Variants in CFAP299 observed in about 807,000 individuals in gnomAD.
CFAP299 encodes cilia- and flagella-associated protein 299.
A neutral mutation model predicts 27.0 loss-of-function variants in CFAP299; 21 were observed. The ratio of observed to expected loss-of-function variants is 0.78; its 90% confidence interval spans 0.55 to 1.12. CFAP299 has a LOEUF of 1.12. CFAP299 is among the 50% of genes most tolerant of loss of function. CFAP299 has a pLI of 0.00. For missense variants in CFAP299, 310 were observed against 276.6 expected, an observed-to-expected ratio of 1.12 and a Z score of -0.86; for synonymous variants, 104 against 98.1, an observed-to-expected ratio of 1.06 and a Z score of -0.36.
chr4:80,734,008 A>G (rs2110058064), intron 3 of CFAP299, among the ~76,000 whole-genome samples: 1 of 152,120 alleles, frequency 6.6e-6, no homozygotes, highest in East Asian at 1.9e-4. Context: ...AGATTGTATA[A>G]TAGCTCTATT....
At chr4:80,581,384 T>C (rs1199296810) in intron 2 of CFAP299, among the ~76,000 whole-genome samples, 1 of 147,892 alleles carries the variant, frequency 6.8e-6, no homozygotes, top group Non-Finnish European at 1.5e-5. Flanking sequence ...TTGGTACTAA[T>C]TAGTAGTTAT....
rs893433226 is a variant in CFAP299 at position 80,646,424 on chromosome 4, T to C, written c.333+63241T>C. On this transcript the variant is annotated intron_variant, in intron 3 of 5. Transcript: ENST00000358105. ...GCTAGAGACATATTACCCTAATTTCTAATCAGCTAATTACAATGGATCTAC... is the reference window on the plus strand; with the variant it reads ...GCTAGAGACATATTACCCTAATTTCCAATCAGCTAATTACAATGGATCTAC... 2.4e-4 allele frequency among the ~76,000 whole-genome samples: 36 copies of C among 152,186 alleles called. 1 individual carries two copies.
At chr4:80,525,756 C>G (rs573841598) in intron 2 of CFAP299, among the ~76,000 whole-genome samples, 1 of 152,054 alleles carries the variant, frequency 6.6e-6, no homozygotes, top group Non-Finnish European at 1.5e-5. Context: ...CTTTCTTACC[C>G]CTCAACTTCT....
At chr4:80,519,818 TG>T (rs1732812390) in intron 2 of CFAP299, among the ~76,000 whole-genome samples, 1 of 152,092 alleles carries the variant, frequency 6.6e-6, no homozygotes, top group Admixed American at 6.6e-5. Flanking sequence ...CCTTAAACCT[TG>T]GGTACATAAA....
intron 4 of CFAP299, among the ~76,000 whole-genome samples, chr4:80,877,043 G>C (rs532316489): frequency 8.5e-5 from 13 of 152,172 alleles, no homozygotes; most frequent in South Asian, 2.1e-4. Flanking sequence ...CCACAGCTTT[G>C]TGTGTGGAAG....
chr4:80,685,409 G>C (rs1720118100), intron 3 of CFAP299, among the ~76,000 whole-genome samples: 1 of 152,038 alleles, frequency 6.6e-6, no homozygotes, highest in Admixed American at 6.6e-5. Context: ...CTGAAACCTT[G>C]CCAATTGCAC....
intron 3 of CFAP299, among the ~76,000 whole-genome samples, chr4:80,747,808 G>A (rs1724706338): frequency 6.6e-6 from 1 of 151,888 alleles, no homozygotes; most frequent in Admixed American, 6.6e-5. Flanking sequence ...TTTTCTCACT[G>A]TTACTTCCTC....
chr4:80,334,097 C>T (rs566392133), upstream of CFAP299, among the ~76,000 whole-genome samples: 25 of 152,162 alleles, frequency 1.6e-4, no homozygotes, highest in Non-Finnish European at 2.8e-4. Context: ...AGTTAGAAGA[C>T]ATTTCTAGAC....
rs552130935 is a variant in CFAP299 at position 80,387,323 on chromosome 4, C to T, written c.242+24439C>T. On this transcript the variant is annotated intron_variant, in intron 2 of 5. Coordinates refer to ENST00000358105, the MANE Select transcript of CFAP299 (RefSeq NM_152770.3). ...GTCGAGCTTTGGGAACGTTTGGGCA[C>T]AGCTTTTGACCACACATTTGTACAC... 11 of 1,601,210 alleles carry T rather than the reference C, an allele frequency of 6.9e-6. No homozygotes were observed. The African/African-American group carries it at 1.5e-4, about 21-fold the overall frequency.
chr4:80,600,687 T>TG (rs1553938403), intron 3 of CFAP299, among the ~76,000 whole-genome samples: 1 of 152,050 alleles, frequency 6.6e-6, no homozygotes, highest in African/African-American at 2.4e-5. Flanking sequence ...AGGTCAGTTT[T>TG]TTGTTGTTGT....
intron 2 of CFAP299, among the ~76,000 whole-genome samples, chr4:80,479,263 A>T (rs1730437178): frequency 6.6e-6 from 1 of 152,022 alleles, no homozygotes; most frequent in African/African-American, 2.4e-5. Context: ...AGACATAGGG[A>T]CTTAAAATGT....
chr4:80,669,568 G>C (rs931002620), intron 3 of CFAP299, among the ~76,000 whole-genome samples: 2 of 148,350 alleles, frequency 1.3e-5, no homozygotes, highest in African/African-American at 5.0e-5. Flanking sequence ...AGTTCTAACA[G>C]TTTTTCTTTT....
chr4:80,767,222 G>T (rs1217673677), intron 3 of CFAP299, among the ~76,000 whole-genome samples: 2 of 152,046 alleles, frequency 1.3e-5, no homozygotes, highest in Non-Finnish European at 2.9e-5. Flanking sequence ...ATTAGACAAA[G>T]AGGTTAATAA....
At chr4:80,380,903 G>A (rs1724666722) in intron 2 of CFAP299, among the ~76,000 whole-genome samples, 1 of 151,458 alleles carries the variant, frequency 6.6e-6, no homozygotes, top group Non-Finnish European at 1.5e-5. Flanking sequence ...CCTTTCTTTG[G>A]CCTTTATTAC....
chr4:80,363,594 T>G (rs1299485274), intron 2 of CFAP299, among the ~76,000 whole-genome samples: 1 of 152,198 alleles, frequency 6.6e-6, no homozygotes, highest in African/African-American at 2.4e-5. Flanking sequence ...GAGCATAAAC[T>G]TCCCATGTAC....
chr4:80,418,079 A>G (rs1164706160), intron 2 of CFAP299, among the ~76,000 whole-genome samples: 1 of 152,242 alleles, frequency 6.6e-6, no homozygotes, highest in African/African-American at 2.4e-5. Flanking sequence ...GGACAAAGCC[A>G]GATATGTACA....
At chr4:80,540,888 C>A (rs936089213) in intron 2 of CFAP299, among the ~76,000 whole-genome samples, 2 of 152,078 alleles carry the variant, frequency 1.3e-5, no homozygotes, top group Admixed American at 6.5e-5. Context: ...TCTAACAAAC[C>A]CTTTCAACTT....
Position 80,876,752 on chromosome 4 carries a change from T to C in CFAP299, c.476+6617T>C, listed in dbSNP as rs567824840. 7.2e-5 allele frequency among the ~76,000 whole-genome samples: 11 copies of C among 152,270 alleles called. No homozygotes were observed. In the South Asian group the frequency reaches 1.5e-3, roughly 20 times the overall value. On this transcript the variant is annotated intron_variant, in intron 4 of 5. Transcript: ENST00000358105. ...CAGTACATTATTCCATTTAAGACTT[T>C]GACATGTAAAGATGTCACTTTTGAC...
intron 3 of CFAP299, among the ~76,000 whole-genome samples, chr4:80,847,421 C>T (rs1332181033): frequency 4.6e-5 from 7 of 152,190 alleles, no homozygotes; most frequent in Admixed American, 3.9e-4. Flanking sequence ...TTCTGATAAA[C>T]TCTCCCTCTT....
Sources: gnomAD v4.1 joint callset for allele counts (sites outside exome capture counted in the v4.1 genomes callset) on GRCh38, gnomAD v4.1.1 for gene constraint, MANE v1.5 for transcripts, NCBI Gene and HGNC (gene_info 2026-07-23, HGNC 2026-07-21) for gene names.